AP2B1: variants seen among roughly 807,000 people sequenced by gnomAD.
AP2B1 encodes AP-2 complex subunit beta.
A neutral mutation model predicts 102.0 loss-of-function variants in AP2B1; 23 were observed. That is an observed-to-expected ratio of 0.23 (90% confidence interval 0.16 to 0.32). AP2B1 has a LOEUF of 0.32. AP2B1 is among the 10% of genes least tolerant of loss of function. The probability of loss-of-function intolerance (pLI) is 1.00; values close to 1 mark genes in which losing one functional copy is unlikely to be tolerated. For synonymous variants in AP2B1, 381 were observed against 421.2 expected (o/e 0.90, Z 1.17); for missense variants, 541 against 1,157.4 (o/e 0.47, Z 7.73).
intron 10 of AP2B1, among the ~76,000 whole-genome samples, chr17:35,638,515 G>A (rs1475576237): frequency 5.9e-5 from 9 of 152,068 alleles, no homozygotes; most frequent in African/African-American, 2.2e-4. Flanking sequence ...GGGGCCAGGC[G>A]CGGTGGCTCA....
intron 18 of AP2B1, among the ~76,000 whole-genome samples, chr17:35,700,234 T>C (rs1284911185): frequency 6.6e-6 from 1 of 151,686 alleles, no homozygotes; most frequent in Non-Finnish European, 1.5e-5. Flanking sequence ...TCAGATGATA[T>C]ATATCACATA....
chr17:35,590,391 G>A (rs189711743), intron 1 of AP2B1, among the ~76,000 whole-genome samples: 1 of 152,142 alleles, frequency 6.6e-6, no homozygotes, highest in Admixed American at 6.5e-5. Context: ...TGAAATTCAC[G>A]TACCATAAAA....
chr17:35,681,603 G>T (rs2075823737), intron 17 of AP2B1, among the ~76,000 whole-genome samples: 1 of 151,690 alleles, frequency 6.6e-6, no homozygotes, highest in African/African-American at 2.4e-5. Flanking sequence ...TTTTTGGTGG[G>T]GGGTGGGCAG....
intron 18 of AP2B1, among the ~76,000 whole-genome samples, chr17:35,702,649 A>C (rs2143003806): frequency 6.6e-6 from 1 of 152,298 alleles, no homozygotes; most frequent in Non-Finnish European, 1.5e-5. Flanking sequence ...TGGGGAAGCT[A>C]GGTGCTGTGA....
chr17:35,676,060 C>G (rs2075694956), intron 17 of AP2B1, among the ~76,000 whole-genome samples: 1 of 152,038 alleles, frequency 6.6e-6, no homozygotes, highest in African/African-American at 2.4e-5. Context: ...CTGTTTTGTT[C>G]CTTAAAATTT....
intron 21 of AP2B1, among the ~76,000 whole-genome samples, chr17:35,718,129 G>T (rs1208334144): frequency 6.6e-6 from 1 of 152,188 alleles, no homozygotes; most frequent in Non-Finnish European, 1.5e-5. Flanking sequence ...TGAGGAAGCT[G>T]AATAGTCAGT....
chr17:35,692,618 ACT>A (rs2076062234), intron 18 of AP2B1, among the ~76,000 whole-genome samples: 1 of 152,012 alleles, frequency 6.6e-6, no homozygotes, highest in Admixed American at 6.6e-5. Flanking sequence ...ATTCATGTTT[ACT>A]CTCTTATATT....
chr17:35,608,629 A>T (rs994090047), intron 5 of AP2B1, among the ~76,000 whole-genome samples: 5 of 152,302 alleles, frequency 3.3e-5, no homozygotes, highest in Middle Eastern at 6.8e-3. Context: ...ATATTTGCCC[A>T]TATTGCCCAT....
chr17:35,692,775 T>C (rs1324974951), intron 18 of AP2B1, among the ~76,000 whole-genome samples: 1 of 152,202 alleles, frequency 6.6e-6, no homozygotes, highest in Non-Finnish European at 1.5e-5. Flanking sequence ...CATGTGACCA[T>C]GTACACATAA....
chr17:35,589,214 C>T (rs892643317), intron 1 of AP2B1, among the ~76,000 whole-genome samples: 1 of 152,156 alleles, frequency 6.6e-6, no homozygotes, highest in South Asian at 2.1e-4. Flanking sequence ...ATGCTATTGT[C>T]TTTGCATTAT....
intron 12 of AP2B1, among the ~76,000 whole-genome samples, chr17:35,648,703 G>T (rs939058381): frequency 1.3e-4 from 19 of 151,258 alleles, no homozygotes; most frequent in African/African-American, 4.6e-4. Context: ...AGCAACTTCA[G>T]AACAGTATAT....
chr17:35,601,042 T>A, intron 3 of AP2B1: 4 of 980,564 alleles, frequency 4.1e-6, no homozygotes, highest in Non-Finnish European at 3.6e-6. Flanking sequence ...ATCTAAGGAG[T>A]TGGCAAACGT....
intron 7 of AP2B1, among the ~76,000 whole-genome samples, 158 bp from the exon 8 acceptor site, chr17:35,627,227 G>C (rs757889152): frequency 7.5e-6 from 1 of 132,754 alleles, no homozygotes; most frequent in African/African-American, 2.8e-5. Flanking sequence ...GAATAGAGGC[G>C]TATAGAGGAA....
intron 1 of AP2B1, among the ~76,000 whole-genome samples, chr17:35,592,456 G>C (rs161183): frequency 0.48 from 72,935 of 151,828 alleles, 17,585 homozygotes; most frequent in East Asian, 0.52. Context: ...AAGCTCAAGC[G>C]ATCCACACAC....
intron 5 of AP2B1, chr17:35,621,235 G>A: frequency 1.2e-6 from 1 of 857,232 alleles, no homozygotes; most frequent in Non-Finnish European, 1.4e-6. Flanking sequence ...TAGCCACCCA[G>A]TTGCTGTCTC....
intron 18 of AP2B1, among the ~76,000 whole-genome samples, chr17:35,685,580 A>G (rs1028526191): frequency 2.6e-5 from 4 of 152,218 alleles, no homozygotes; most frequent in Non-Finnish European, 5.9e-5. Flanking sequence ...TTTGAATTCC[A>G]TGTGGATTTT....
chr17:35,601,559 A>G (rs2073483306), intron 3 of AP2B1, among the ~76,000 whole-genome samples: 1 of 152,162 alleles, frequency 6.6e-6, no homozygotes, highest in Non-Finnish European at 1.5e-5. Context: ...ATGAGCCACC[A>G]TGCCCGGCCA....
intron 3 of AP2B1, among the ~76,000 whole-genome samples, chr17:35,605,351 C>T (rs1292712710): frequency 6.6e-6 from 1 of 151,298 alleles, no homozygotes; most frequent in Non-Finnish European, 1.5e-5. Context: ...CAGGTTCAAA[C>T]GATTCTCCTG....
chr17:35,608,485 T>C (rs767285080), intron 5 of AP2B1, 98 bp downstream of exon 5: 122 of 1,410,062 alleles, frequency 8.7e-5, no homozygotes, highest in Non-Finnish European at 1.1e-4. Flanking sequence ...TACTGGGTTA[T>C]GGGGTAGCTA....
Sources: allele counts gnomAD v4.1 joint callset (sites outside exome capture counted in the v4.1 genomes callset), GRCh38; gene constraint gnomAD v4.1.1; transcripts MANE v1.5; gene names NCBI Gene and HGNC (gene_info 2026-07-23, HGNC 2026-07-21).